Variants in PCDHGB2 observed in about 807,000 individuals in gnomAD.
PCDHGB2 encodes protocadherin gamma-B2.
PCDHGB2 carries 55 observed loss-of-function variants against 59.3 expected under a neutral mutation model. The observed-to-expected ratio is 0.93, with a 90% CI of 0.75 to 1.16. The LOEUF is 1.16. PCDHGB2 is among the 50% of genes most tolerant of loss of function. The probability of loss-of-function intolerance (pLI) is 0.00; values close to 1 mark genes in which losing one functional copy is unlikely to be tolerated. For synonymous variants in PCDHGB2, 516 were observed against 512.0 expected (o/e 1.01, Z -0.11); for missense variants, 1,228 against 1,198.5 (o/e 1.02, Z -0.36).
chr5:141,412,942 A>G, intron 1 of PCDHGB2: 1 of 465,476 alleles, frequency 2.1e-6, no homozygotes, highest in Non-Finnish European at 3.8e-6. Flanking sequence ...TAGGACTCTG[A>G]GCGCCGCTGT....
intron 1 of PCDHGB2, chr5:141,428,173 CGGA>C (rs770477048): frequency 1.3e-6 from 2 of 1,514,730 alleles, no homozygotes. Context: ...CTGTGCGTGA[CGGA>C]GGACAGCCGC....
chr5:141,478,127 C>T (rs1323163663), intron 1 of PCDHGB2: 1 of 1,613,988 alleles, frequency 6.2e-7, no homozygotes, highest in Admixed American at 1.7e-5. Flanking sequence ...CGAGGACTCT[C>T]CTGAAGCCCG....
At chr5:141,375,630 C>A (rs1162494057) in intron 1 of PCDHGB2, 1 of 1,614,246 alleles carries the variant, frequency 6.2e-7, no homozygotes, top group African/African-American at 1.3e-5. Flanking sequence ...ATTCTGTACG[C>A]CCTGCGCTCC....
chr5:141,388,289 A>T (rs1463991755), intron 1 of PCDHGB2: 14 of 1,613,522 alleles, frequency 8.7e-6, no homozygotes, highest in Non-Finnish European at 1.2e-5. Flanking sequence ...AATTCACGCA[A>T]AATTCCTTTG....
chr5:141,486,162 T>G lies in PCDHGB2; in HGVS notation c.2422-8645T>G, dbSNP rs763023343. ...GCTCGCGATGGGGGTTCTCCAGCCA[T>G]GGAGCAACATTGCAGCCTTCGAGTG... On this transcript the variant is annotated intron_variant, in intron 1 of 3. Coordinates refer to ENST00000522605, the MANE Select transcript of PCDHGB2 (RefSeq NM_018923.3). The surrounding 1 kb of genome is among the most constrained non-coding windows in gnomAD (Gnocchi z 5.0). The G allele has an allele frequency of 6.2e-7, 1 of 1,614,170 alleles. No individual in the cohort carries two copies. Among genetic ancestry groups the G allele is most frequent in the Non-Finnish European group, 8.5e-7 (1 of 1,180,026 alleles).
At chr5:141,482,572 T>C (rs1367788391) in intron 1 of PCDHGB2, among the ~76,000 whole-genome samples, 1 of 137,636 alleles carries the variant, frequency 7.3e-6, no homozygotes, top group Admixed American at 7.3e-5. Context: ...CTGCATAGCA[T>C]AAGATGCAGT....
chr5:141,403,354 G>A, intron 1 of PCDHGB2: 7 of 1,614,048 alleles, frequency 4.3e-6, no homozygotes, highest in Non-Finnish European at 5.9e-6. Flanking sequence ...CAAAGTTCCA[G>A]GCCGAAAGTC....
chr5:141,431,960 T>C lies in PCDHGB2; in HGVS notation c.2422-62847T>C. On this transcript the variant is annotated intron_variant, in intron 1 of 3. Transcript: ENST00000522605. This position sits in a 1 kb window ranked among gnomAD's most constrained non-coding sequence, Gnocchi z 4.8. ...TAAATTAGAAAAATCTTACGGAAAT[T>C]ACTATAGTTTAGTCACAGACATAGT... The C allele has an allele frequency of 3.7e-6, 6 of 1,614,166 alleles. No individual in the cohort carries two copies. Among genetic ancestry groups the C allele is most frequent in the Non-Finnish European group, 5.1e-6 (6 of 1,180,034 alleles).
At chr5:141,364,952 C>G in intron 1 of PCDHGB2, 1 of 1,613,948 alleles carries the variant, frequency 6.2e-7, no homozygotes, top group Non-Finnish European at 8.5e-7. Context: ...AGAGACTGTT[C>G]ACGACCTCCT....
Position 141,393,196 on chromosome 5 carries a change from A to G in PCDHGB2, c.2421+30640A>G, listed in dbSNP as rs369051018. 9.7e-5 allele frequency: 157 copies of G among 1,613,374 alleles called. No individual in the cohort carries two copies. The highest frequency in any genetic ancestry group is 1.3e-4 in the Non-Finnish European group (149 of 1,179,898). On this transcript the variant is annotated intron_variant, in intron 1 of 3. Coordinates refer to ENST00000522605, the MANE Select transcript of PCDHGB2 (RefSeq NM_018923.3). ...GAAATAGAAATAATTGATATTAACG[A>G]TAATAACCCAAAATTCCAGGTCGAA...
rs756525217 is a variant in PCDHGB2, at chr5:141,402,958, A to T, written c.2421+40402A>T. On this transcript the variant is annotated intron_variant, in intron 1 of 3. Coordinates refer to ENST00000522605, the MANE Select transcript of PCDHGB2 (RefSeq NM_018923.3). Reference sequence around the variant, plus strand: ...AATTCCAAAGCGAGGCAGCAATGGCAGCTCCAACCAAATGCCAGCTCCGCG... The same window carrying T: ...AATTCCAAAGCGAGGCAGCAATGGCTGCTCCAACCAAATGCCAGCTCCGCG... 48 of 1,602,110 alleles carry T rather than the reference A, an allele frequency of 3.0e-5. 1 individual carries two copies. The highest frequency in any genetic ancestry group is 8.5e-7 in the Non-Finnish European group (1 of 1,173,862).
At chr5:141,375,026 T>C in intron 1 of PCDHGB2, 2 of 1,614,030 alleles carry the variant, frequency 1.2e-6, no homozygotes, top group Non-Finnish European at 1.7e-6. Context: ...CTCGAGTTTT[T>C]ATGAGCTGGG....
At chr5:141,387,304 T>C (rs1186076797) in intron 1 of PCDHGB2, among the ~76,000 whole-genome samples, 3 of 152,208 alleles carry the variant, frequency 2.0e-5, no homozygotes, top group Non-Finnish European at 4.4e-5. Context: ...ATCCAGTATA[T>C]TTCTAATGAG....
At chr5:141,376,832 G>T (rs1773425503) in intron 1 of PCDHGB2, 2 of 257,250 alleles carry the variant, frequency 7.8e-6, no homozygotes, top group Non-Finnish European at 1.5e-5. Context: ...GACTACAGGC[G>T]CCCGCCACCG....
At chr5:141,450,006 C>CTT (rs1554136305) in intron 1 of PCDHGB2, among the ~76,000 whole-genome samples, 6 of 132,984 alleles carry the variant, frequency 4.5e-5, no homozygotes, top group East Asian at 2.2e-4. Flanking sequence ...TGCCATGTCT[C>CTT]TTTTTTTTTT....
rs2099883795 is a variant in PCDHGB2 at position 141,511,444 on chromosome 5, A to C, written c.*271A>C. 3.0e-6 allele frequency: 2 copies of C among 665,362 alleles called. No individual in the cohort carries two copies. The highest frequency in any genetic ancestry group is 3.6e-5 in the African/African-American group (2 of 54,978). 41.2% of individuals were successfully genotyped at this position (665,362 alleles called of 1,614,324 possible). On this transcript the variant is annotated 3_prime_UTR_variant, in exon 4 of 4. Coordinates refer to ENST00000522605, the MANE Select transcript of PCDHGB2 (RefSeq NM_018923.3). ...GGGTAGTGGGGTTACTGTAGACACC[A>C]AGAACCATTTGCCACACCCCGTTTA...
intron 1 of PCDHGB2, chr5:141,409,456 C>T: frequency 1.2e-6 from 2 of 1,613,974 alleles, no homozygotes; most frequent in Middle Eastern, 3.3e-4. Context: ...CACCAGAATA[C>T]AATGTCACCA....
chr5:141,511,443 C>A lies in PCDHGB2; in HGVS notation c.*270C>A. On this transcript the variant is annotated 3_prime_UTR_variant, in exon 4 of 4. Coordinates refer to ENST00000522605, the MANE Select transcript of PCDHGB2 (RefSeq NM_018923.3). ...GGGGTAGTGGGGTTACTGTAGACAC[C>A]AAGAACCATTTGCCACACCCCGTTT... 1 of 670,886 alleles carries A rather than the reference C, an allele frequency of 1.5e-6. No homozygotes were observed. Among genetic ancestry groups the A allele is most frequent in the Non-Finnish European group, 2.4e-6 (1 of 421,442 alleles). 41.6% of individuals were successfully genotyped at this position (670,886 alleles called of 1,614,324 possible).
chr5:141,429,955 A>G (rs971940539), intron 1 of PCDHGB2, among the ~76,000 whole-genome samples: 1 of 152,202 alleles, frequency 6.6e-6, no homozygotes, highest in Non-Finnish European at 1.5e-5. Context: ...TTTCCAGTCA[A>G]TGCAAGTTGG....
Sources: gnomAD v4.1 joint callset for allele counts (sites outside exome capture counted in the v4.1 genomes callset) on GRCh38, gnomAD v4.1.1 for gene constraint, Gnocchi (gnomAD v3.1) non-coding constraint, MANE v1.5 for transcripts, NCBI Gene and HGNC (gene_info 2026-07-23, HGNC 2026-07-21) for gene names.